The following ZFYVE28 variants were observed in gnomAD, a reference collection of about 807,000 sequenced individuals.
ZFYVE28 encodes the protein zinc finger FYVE-type containing 28.
ZFYVE28 carries 40 observed loss-of-function variants against 82.1 expected under a neutral mutation model. The ratio of observed to expected loss-of-function variants is 0.49; its 90% CI spans 0.38 to 0.63. The LOEUF is 0.63. ZFYVE28 is among the 30% of genes least tolerant of loss of function. The probability of loss-of-function intolerance (pLI) is 0.00; values close to 1 mark genes in which losing one functional copy is unlikely to be tolerated. For synonymous variants in ZFYVE28, 612 were observed against 546.1 expected, an observed-to-expected ratio of 1.12 and a Z score of -1.68; for missense variants, 1,321 against 1,242.1, an observed-to-expected ratio of 1.06 and a Z score of -0.96.
In ZFYVE28 at chr4:2,416,886, C is replaced by G. The variant is rs1056921584; in HGVS notation, c.39+1399G>C. On this transcript the variant is annotated intron_variant, in intron 1 of 12. Coordinates refer to ENST00000290974, the MANE Select transcript of ZFYVE28 (RefSeq NM_020972.3). The surrounding 1 kb of genome is among the most constrained non-coding windows in gnomAD (Gnocchi z 4.6). Reference sequence around the variant, plus strand: ...AGCCCTCAACCCAACACTCCGGCAACGACAAACAGAATTCCCCGACCTCAA... The same window carrying G: ...AGCCCTCAACCCAACACTCCGGCAAGGACAAACAGAATTCCCCGACCTCAA... Among the ~76,000 whole-genome samples, 2 of 152,108 alleles carry G rather than the reference C, an allele frequency of 1.3e-5. No individual in the cohort carries two copies. The highest frequency in any genetic ancestry group is 2.4e-5 in the African/African-American group (1 of 41,390).
chr4:2,412,189 G>T (rs1405461419), intron 1 of ZFYVE28, among the ~76,000 whole-genome samples: 2 of 152,196 alleles, frequency 1.3e-5, no homozygotes, highest in African/African-American at 4.8e-5. Context: ...AGGCACAGGG[G>T]TGGCAGGCCC....
rs1165888047 is a variant in ZFYVE28, at chr4:2,304,394, A to T, written c.1946T>A (p.Leu649Gln). ...SGSQVDTASG[L>Q]QGEAGVAGQQ... is the part of the protein sequence containing the mutation. ...ACCTGCAACCCCAGCCTCTCCTTGC[A>T]GCCCACTCGCTGTGTCCACCTGGGA... Residue 649 changes from leucine to glutamine, a missense_variant, in exon 8 of 13, where the codon CTG (leucine) becomes CAG (glutamine). Around this residue, in one of 2 missense-constraint regions of ZFYVE28, gnomAD observed 978 missense variants for 833.7 expected, o/e 1.17. Transcript: ENST00000290974. The T allele has an allele frequency of 6.2e-7, 1 of 1,613,044 alleles. No individual in the cohort carries two copies. Among genetic ancestry groups the T allele is most frequent in the Non-Finnish European group, 8.5e-7 (1 of 1,180,000 alleles).
chr4:2,293,195 A>T (rs1355261328), intron 8 of ZFYVE28, among the ~76,000 whole-genome samples: 2 of 152,202 alleles, frequency 1.3e-5, no homozygotes, highest in Non-Finnish European at 2.9e-5. Context: ...CTACAGCTCA[A>T]ATCACACTTA....
intron 8 of ZFYVE28, among the ~76,000 whole-genome samples, chr4:2,277,360 G>A (rs1054900316): frequency 6.6e-6 from 1 of 152,134 alleles, no homozygotes; most frequent in Non-Finnish European, 1.5e-5. Context: ...TGTGCCTGTA[G>A]TCCCAGCTAC....
intron 6 of ZFYVE28, chr4:2,330,204 G>T: frequency 1.1e-6 from 1 of 880,926 alleles, no homozygotes; most frequent in Non-Finnish European, 1.4e-6. Context: ...GGTGATGGCT[G>T]CACAATTCTG....
In ZFYVE28 at chr4:2,307,875, C is replaced by T. The variant is rs1023604806; in HGVS notation, c.804-2339G>A. Among the ~76,000 whole-genome samples, 17 of 152,188 alleles carry T rather than the reference C, an allele frequency of 1.1e-4. 1 individual carries two copies. The highest frequency in any genetic ancestry group is 3.4e-4 in the African/African-American group (14 of 41,436). On this transcript the variant is annotated intron_variant, in intron 7 of 12. Transcript: ENST00000290974. ...TACAGTAGTGGTAAGAACCCAGACA[C>T]TAATAGATAACCATATGAGACATTT...
intron 1 of ZFYVE28, among the ~76,000 whole-genome samples, chr4:2,368,282 G>A (rs527762190): frequency 2.0e-5 from 3 of 151,376 alleles, no homozygotes; most frequent in South Asian, 4.2e-4. Flanking sequence ...TGCACCTGTA[G>A]TCTCAGCTAC....
chr4:2,361,533 C>T (rs1726157568), intron 1 of ZFYVE28, among the ~76,000 whole-genome samples: 1 of 152,194 alleles, frequency 6.6e-6, no homozygotes. Context: ...CACTACCCCA[C>T]CCACTGGGGC....
At chr4:2,398,426 T>C (rs1337074674) in intron 1 of ZFYVE28, among the ~76,000 whole-genome samples, 1 of 152,188 alleles carries the variant, frequency 6.6e-6, no homozygotes, top group East Asian at 1.9e-4. Context: ...GCGGGGCTGC[T>C]ACATGGTTGC....
chr4:2,306,548 GC>G (rs1482613041), intron 7 of ZFYVE28, among the ~76,000 whole-genome samples: 2 of 152,074 alleles, frequency 1.3e-5, no homozygotes, highest in African/African-American at 4.8e-5. Flanking sequence ...GGATTTGTTT[GC>G]TGATGTTATA....
rs749731502 is a variant in ZFYVE28, at chr4:2,305,065, C to A, written c.1275G>T (p.Trp425Cys). ...RPESPAGPFG[W>C]AGSTWADPQE... ...GGGGGTCGGCCCAGGTACTGCCTGC[C>A]CACCCAAATGGGCCAGCTGGGGACT... The change falls in exon 8 of 13, where the codon TGG becomes TGT. Residue 425 changes from tryptophan (W) to cysteine (C), a missense_variant. Coordinates refer to ENST00000290974, the MANE Select transcript of ZFYVE28 (RefSeq NM_020972.3). The A allele has an allele frequency of 6.2e-7, 1 of 1,610,990 alleles. No homozygotes were observed. Among genetic ancestry groups the A allele is most frequent in the South Asian group, 1.1e-5 (1 of 90,940 alleles).
intron 4 of ZFYVE28, 26 bp from the exon 5 acceptor site, chr4:2,337,522 G>A: frequency 1.3e-6 from 2 of 1,575,990 alleles, no homozygotes; most frequent in Non-Finnish European, 1.7e-6. Context: ...GACCTGTGAG[G>A]CCGCACCTGG....
intron 6 of ZFYVE28, among the ~76,000 whole-genome samples, chr4:2,334,908 C>T (rs1229801083): frequency 7.0e-6 from 1 of 141,982 alleles, no homozygotes; most frequent in Non-Finnish European, 1.6e-5. Context: ...GGTCCACTCA[C>T]TCCTCCGCCC....
chr4:2,395,306 A>G (rs1334830118), intron 1 of ZFYVE28, among the ~76,000 whole-genome samples: 2 of 152,230 alleles, frequency 1.3e-5, no homozygotes, highest in Non-Finnish European at 2.9e-5. Context: ...CATGCTACCT[A>G]ACATTTCATA....
At chr4:2,357,934 G>C (rs1419978139) in intron 1 of ZFYVE28, among the ~76,000 whole-genome samples, 1 of 152,208 alleles carries the variant, frequency 6.6e-6, no homozygotes, top group Admixed American at 6.5e-5. Flanking sequence ...GCCCCTCGCT[G>C]CTTGGTAAGC....
intron 8 of ZFYVE28, among the ~76,000 whole-genome samples, chr4:2,293,365 A>G (rs766718471): frequency 2.6e-5 from 4 of 151,900 alleles, no homozygotes; most frequent in Non-Finnish European, 5.9e-5. Flanking sequence ...TTCTTCTCAG[A>G]TGACAAGATC....
intron 1 of ZFYVE28, among the ~76,000 whole-genome samples, chr4:2,376,153 A>C (rs1047716675): frequency 1.3e-5 from 2 of 151,578 alleles, no homozygotes; most frequent in Admixed American, 6.6e-5. Context: ...GATTACAGGC[A>C]TGAGCCACCG....
intron 1 of ZFYVE28, among the ~76,000 whole-genome samples, chr4:2,382,334 G>A (rs992101540): frequency 1.3e-5 from 2 of 152,226 alleles, no homozygotes; most frequent in African/African-American, 4.8e-5. Flanking sequence ...CCATTTGCCT[G>A]GAAAAGCTGT....
rs1287688874 is a variant in ZFYVE28, at chr4:2,394,432, C to T, written c.39+23853G>A. ...TGCCTGGACCTGGAGGGCTCCTTCA[C>T]GTTGCCAGCTGACTGGCAAAGGGGC... is the stretch of plus-strand genomic sequence containing the variant. On this transcript the variant is annotated intron_variant, in intron 1 of 12. Transcript: ENST00000290974. The surrounding 1 kb of genome is among the most constrained non-coding windows in gnomAD (Gnocchi z 4.0). Among the ~76,000 whole-genome samples the T allele has an allele frequency of 3.3e-5, 5 of 152,204 alleles. No individual in the cohort carries two copies. The highest frequency in any genetic ancestry group is 7.2e-5 in the African/African-American group (3 of 41,446).
Sources: allele counts gnomAD v4.1 joint callset (sites outside exome capture counted in the v4.1 genomes callset), GRCh38; gene constraint gnomAD v4.1.1; regional missense constraint gnomAD v4.1.1; non-coding constraint Gnocchi (gnomAD v3.1); transcripts MANE v1.5; gene names NCBI Gene and HGNC (gene_info 2026-07-23, HGNC 2026-07-21).